Variants in TOPORS observed in about 807,000 individuals in gnomAD.
TOPORS encodes the protein E3 ubiquitin-protein ligase Topors.
TOPORS carries 25 observed loss-of-function variants against 81.4 expected under a neutral mutation model. The observed-to-expected ratio is 0.31, with a 90% CI of 0.22 to 0.43. The LOEUF is 0.43. Ranked by LOEUF, TOPORS falls within the 20% of genes least tolerant of loss-of-function variation. The pLI is 1.00. For missense variants in TOPORS, 1,101 were observed against 1,267.0 expected (o/e 0.87, Z 1.99); for synonymous variants, 473 against 456.6 (o/e 1.04, Z -0.46).
Position 32,542,979 on chromosome 9 carries a change from G to T in TOPORS, c.1546C>A (p.Gln516Lys). 1.9e-6 allele frequency: 3 copies of T among 1,614,192 alleles called. No homozygotes were observed. The highest frequency in any genetic ancestry group is 2.5e-6 in the Non-Finnish European group (3 of 1,180,034). The change falls in exon 3 of 3, where the codon CAA (glutamine) becomes AAA (lysine). Residue 516 changes from glutamine (Q) to lysine (K), a missense_variant. By Grantham distance (53) the Gln-to-Lys change is moderately conservative (BLOSUM62 1). Transcript: ENST00000360538. Reference sequence around the variant, plus strand: ...GAACTGTAAGATTGCTCCTGTTCTTGTGTCTTCACTGTCTCCATTTTCTCA... The same window carrying T: ...GAACTGTAAGATTGCTCCTGTTCTTTTGTCTTCACTGTCTCCATTTTCTCA... ...SYEKMETVKT[Q>K]EQEQSYSSGD...
Position 32,541,779 on chromosome 9 carries a change from TA to T in TOPORS, c.2745del (p.Asp915GlufsTer6). On this transcript the variant is annotated frameshift_variant, in exon 3 of 3. Coordinates refer to ENST00000360538, the MANE Select transcript of TOPORS (RefSeq NM_005802.5). LOFTEE classifies it high-confidence loss of function. ...GTATCCTCCTTTACTTCAGAATCCTTATCACTGTCACTGTCAATGGTAATTA... is the reference window on the plus strand; with the variant it reads ...GTATCCTCCTTTACTTCAGAATCCTTTCACTGTCACTGTCAATGGTAATTA... ...PVVITIDSDSDKDSEVKEDTE... is the reference protein window; with the variant it reads ...PVVITIDSDSXKDSEVKEDTE... 1 of 1,614,216 alleles carries T rather than the reference TA, an allele frequency of 6.2e-7. No individual in the cohort carries two copies. Among genetic ancestry groups the T allele is most frequent in the South Asian group, 1.1e-5 (1 of 91,078 alleles).
At chr9:32,549,421 G>A (rs952594435) in intron 2 of TOPORS, among the ~76,000 whole-genome samples, 1 of 152,180 alleles carries the variant, frequency 6.6e-6, no homozygotes, top group Non-Finnish European at 1.5e-5. Flanking sequence ...GCAGAGCCAA[G>A]GCTGAGAATC....
In TOPORS at chr9:32,552,459, C is replaced by T. The variant is rs2118988177; in HGVS notation, c.-23G>A. ...CATGAAGCCAGTAAGTCGTCGCACG[C>T]TGGACTGGATTTATTCAGTGGTAAG... On this transcript the variant is annotated 5_prime_UTR_variant, in exon 1 of 3. Transcript: ENST00000360538. 1 of 1,602,706 alleles carries T rather than the reference C, an allele frequency of 6.2e-7. No homozygotes were observed. The highest frequency in any genetic ancestry group is 2.2e-5 in the East Asian group (1 of 44,504).
chr9:32,552,085 A>C (rs1220209588), intron 1 of TOPORS: 6 of 489,434 alleles, frequency 1.2e-5, no homozygotes, highest in Non-Finnish European at 2.2e-5. Flanking sequence ...ATTAACTTTT[A>C]AATGGACACG....
In TOPORS at chr9:32,542,034, T is replaced by C. The variant is rs530005708; in HGVS notation, c.2491A>G (p.Lys831Glu). The change falls in exon 3 of 3, where the codon AAA (lysine) becomes GAA (glutamate). Residue 831 changes from lysine (K) to glutamate (E), a missense_variant. By Grantham distance (56) the Lys-to-Glu change is moderately conservative. This residue lies in a region of TOPORS where 605 missense variants were observed against 636.1 expected (regional missense o/e 0.95). Transcript: ENST00000360538. ...TCATTTTTGTAGTTTCCATCCAATT[T>C]TGATGAAGATTTTTGGTAATGACTG... ...KDSHYQKSSS[K>E]LDGNYKNESD... The C allele has an allele frequency of 9.3e-6, 15 of 1,614,150 alleles. No individual in the cohort carries two copies. The South Asian group carries it at 1.6e-4, about 18-fold the overall frequency.
rs777115916 is a variant in TOPORS at position 32,541,344 on chromosome 9, CTTTTTAT to C, written c.*36_*42del. On this transcript the variant is annotated 3_prime_UTR_variant, in exon 3 of 3. Coordinates refer to ENST00000360538, the MANE Select transcript of TOPORS (RefSeq NM_005802.5). ...CAGTAGACGACATTCTTCCTTTTTC[CTTTTTAT>C]AACATCATAATTCTCAATGAAATGC... The C allele has an allele frequency of 4.4e-6, 7 of 1,603,310 alleles. No homozygotes were observed. The African/African-American group carries it at 5.4e-5, about 12-fold the overall frequency.
At chr9:32,546,496 A>G (rs1253067274) in intron 2 of TOPORS, among the ~76,000 whole-genome samples, 1 of 152,182 alleles carries the variant, frequency 6.6e-6, no homozygotes, top group African/African-American at 2.4e-5. Context: ...TTTCTCCTCT[A>G]TATAATGAAG....
In TOPORS at chr9:32,543,421, A is replaced by G. The variant is rs1169887807; in HGVS notation, c.1104T>C (p.Phe368=). 2.5e-6 allele frequency: 4 copies of G among 1,613,890 alleles called. No individual in the cohort carries two copies. The highest frequency in any genetic ancestry group is 3.4e-6 in the Non-Finnish European group (4 of 1,179,834). The change falls in exon 3 of 3, where the codon TTT becomes TTC. Residue 368 remains phenylalanine (F), a synonymous_variant. Coordinates refer to ENST00000360538, the MANE Select transcript of TOPORS (RefSeq NM_005802.5). The surrounding 1 kb of genome is among the most constrained non-coding windows in gnomAD (Gnocchi z 5.6). ...GGCAATCATAATTGGCATGCTGGTC[A>G]AAGGCTGCCATGTTAAAAGGAGATC... ...FARSPFNMAA[F]DQHANYDCPA...
At position 32,547,999 on chromosome 9, in the gene TOPORS, ATT is replaced by A. The variant is rs747727912; in HGVS notation, c.198+2773_198+2774del. Among the ~76,000 whole-genome samples the A allele has an allele frequency of 1.5e-3, 126 of 83,706 alleles. No individual in the cohort carries two copies. The East Asian group carries it at 0.028, about 19-fold the overall frequency. 54.9% of individuals were successfully genotyped at this position (83,706 alleles called of 152,430 possible). A position where few individuals can be genotyped will look rare whatever the true frequency, so the allele number is the denominator to read the frequency against. ...ACAGGCGCCCGCCACCACGCTCGGC[ATT>A]TTTTTTTTTTTTTTTTTTTTTTGTA... On this transcript the variant is annotated intron_variant, in intron 2 of 2. Transcript: ENST00000360538.
At position 32,541,337 on chromosome 9, in the gene TOPORS, CT is replaced by C. The variant is rs1304501791; in HGVS notation, c.*49del. ...TAGACTGCAGTAGACGACATTCTTC[CT>C]TTTTCCTTTTTATAACATCATAATT... On this transcript the variant is annotated 3_prime_UTR_variant, in exon 3 of 3. Coordinates refer to ENST00000360538, the MANE Select transcript of TOPORS (RefSeq NM_005802.5). The C allele has an allele frequency of 3.1e-6, 5 of 1,590,998 alleles. No individual in the cohort carries two copies. In the African/African-American group the frequency reaches 6.7e-5, roughly 21 times the overall value.
At chr9:32,551,756 A>T (rs1238987710) in intron 1 of TOPORS, 6 of 443,306 alleles carry the variant, frequency 1.4e-5, no homozygotes, top group African/African-American at 2.0e-5. Flanking sequence ...CAGTTCAAGA[A>T]CATCAGACAC....
rs777878116 is a variant in TOPORS at position 32,542,679 on chromosome 9, TATG to T, written c.1843_1845del (p.His615del). On this transcript the variant is annotated inframe_deletion, in exon 3 of 3. Transcript: ENST00000360538. Reference sequence around the variant, plus strand: ...ATTCTTTTCTTCCCATGATGCTTTCTATGATTCTTCTGATCATGCCCACTTCTA... The same window carrying T: ...ATTCTTTTCTTCCCATGATGCTTTCTATTCTTCTGATCATGCCCACTTCTA... 6.2e-7 allele frequency: 1 copy of T among 1,614,110 alleles called. No individual in the cohort carries two copies. The highest frequency in any genetic ancestry group is 1.7e-5 in the Admixed American group (1 of 60,018).
At position 32,544,180 on chromosome 9, in the gene TOPORS, G is replaced by A; in HGVS notation, c.345C>T (p.Tyr115=). The change falls in exon 3 of 3, where the codon TAC becomes TAT. Residue 115 remains tyrosine (Y), a synonymous_variant. Transcript: ENST00000360538. ...ICLDRFDNVS[Y]LDRCLHKFCF... is the part of the protein sequence containing the mutation. ...AGAACTTATGTAAGCAGCGATCTAA[G>A]TAAGACACATTATCAAATCTATCCA... 2 of 1,613,664 alleles carry A rather than the reference G, an allele frequency of 1.2e-6. No individual in the cohort carries two copies. The highest frequency in any genetic ancestry group is 2.2e-5 in the East Asian group (1 of 44,880).
rs182775493 is a variant in TOPORS at position 32,543,699 on chromosome 9, C to T, written c.826G>A (p.Gly276Ser). ...TCAGCTGAAATATCCCTGTAGCGGC[C>T]ACCATCTTCAATATTTCTAACTCGA... ...GARVRNIEDG[G>S]RYRDISAEFF... is the part of the protein sequence containing the mutation. The change falls in exon 3 of 3, where the codon GGC (glycine) becomes AGC (serine). Residue 276 changes from glycine to serine, a missense_variant. By Grantham distance (56) the Gly-to-Ser change is moderately conservative. Around this residue, in one of 9 missense-constraint regions of TOPORS, gnomAD observed 69 missense variants for 153.6 expected, o/e 0.45. Coordinates refer to ENST00000360538, the MANE Select transcript of TOPORS (RefSeq NM_005802.5). The surrounding 1 kb of genome is among the most constrained non-coding windows in gnomAD (Gnocchi z 5.6). The T allele has an allele frequency of 6.8e-6, 11 of 1,612,998 alleles. No individual in the cohort carries two copies. The highest frequency in any genetic ancestry group is 9.3e-6 in the Non-Finnish European group (11 of 1,179,652).
chr9:32,541,971 C>G lies in TOPORS; in HGVS notation c.2554G>C (p.Glu852Gln), dbSNP rs754162059. ...CTTTTTCTCCTTTTGTGTTTTGTCT[C>G]TCTGTCTGATGATCGGCTGTCTGAA... Reference protein sequence around the residue: ...TFSDSRSSDRETKHKRRKRKT... With the variant: ...TFSDSRSSDRQTKHKRRKRKT... The change falls in exon 3 of 3, where the codon GAG becomes CAG. Residue 852 changes from glutamate to glutamine, a missense_variant. Physicochemically the swap from Glu to Gln is conservative, Grantham distance 29. Around this residue, in one of 9 missense-constraint regions of TOPORS, gnomAD observed 605 missense variants for 636.1 expected, o/e 0.95. Coordinates refer to ENST00000360538, the MANE Select transcript of TOPORS (RefSeq NM_005802.5). 1 of 1,613,602 alleles carries G rather than the reference C, an allele frequency of 6.2e-7. No homozygotes were observed. The highest frequency in any genetic ancestry group is 1.1e-5 in the South Asian group (1 of 90,960).
At position 32,542,903 on chromosome 9, in the gene TOPORS, T is replaced by G; in HGVS notation, c.1622A>C (p.Lys541Thr). Residue 541 changes from lysine (K) to threonine (T), a missense_variant, in exon 3 of 3, where the codon AAG (lysine) becomes ACG (threonine). Lys to Thr is a moderately conservative substitution (Grantham distance 78). Transcript: ENST00000360538. ...RCSSPHSVLG[K>T]DEQINKGHCD... ...ATGACCTTTATTTATTTGTTCATCC[T>G]TTCCAAGGACAGAGTGTGGAGATGA... 1 of 1,614,196 alleles carries G rather than the reference T, an allele frequency of 6.2e-7. No individual in the cohort carries two copies. The highest frequency in any genetic ancestry group is 1.1e-5 in the South Asian group (1 of 91,086).
At chr9:32,552,387 G>A (rs1170337334) in intron 1 of TOPORS, 47 bp downstream of exon 1, 9 of 1,606,024 alleles carry the variant, frequency 5.6e-6, no homozygotes, top group South Asian at 1.1e-5. Flanking sequence ...GTTACTGTAA[G>A]GCCCGCAGCT....
At chr9:32,551,150 G>C in intron 1 of TOPORS, 182 bp from the exon 2 acceptor site, 1 of 726,370 alleles carries the variant, frequency 1.4e-6, no homozygotes, top group Non-Finnish European at 2.3e-6. Flanking sequence ...CTCCCCCGCC[G>C]CTCCAGACCC....
At chr9:32,552,327 G>A (rs765912044) in intron 1 of TOPORS, 107 bp downstream of exon 1, 19 of 1,503,944 alleles carry the variant, frequency 1.3e-5, no homozygotes, top group East Asian at 2.4e-5. Context: ...GCGGGCGCTC[G>A]TGCCCGGCTA....
Sources: gnomAD v4.1 joint callset for allele counts (sites outside exome capture counted in the v4.1 genomes callset) on GRCh38, gnomAD v4.1.1 for gene constraint, gnomAD v4.1.1 regional missense constraint, Gnocchi (gnomAD v3.1) non-coding constraint, MANE v1.5 for transcripts, NCBI Gene and HGNC (gene_info 2026-07-23, HGNC 2026-07-21) for gene names.